The following TSPAN5 variants were observed in gnomAD, a reference collection of about 807,000 sequenced individuals.
TSPAN5 encodes tetraspanin-5.
A neutral mutation model predicts 37.1 loss-of-function variants in TSPAN5; 10 were observed. The observed-to-expected ratio is 0.27, with a 90% CI of 0.17 to 0.46. TSPAN5 has a LOEUF of 0.46. TSPAN5 is among the 20% of genes least tolerant of loss of function. The pLI, the probability that TSPAN5 is intolerant of heterozygous loss-of-function variation, is 1.00. For synonymous variants in TSPAN5, 110 were observed against 118.9 expected, an observed-to-expected ratio of 0.93 and a Z score of 0.48; for missense variants, 195 against 326.6, an observed-to-expected ratio of 0.60 and a Z score of 3.11.
chr4:98,583,729 C>T (rs1022413394), intron 1 of TSPAN5, among the ~76,000 whole-genome samples: 133 of 152,342 alleles, frequency 8.7e-4, no homozygotes, highest in Non-Finnish European at 1.7e-3. Flanking sequence ...CATCAGGTTC[C>T]TCATGGGTGA....
At chr4:98,521,804 CTGTG>C (rs749209058) in intron 1 of TSPAN5, among the ~76,000 whole-genome samples, 1 of 151,910 alleles carries the variant, frequency 6.6e-6, no homozygotes, top group Admixed American at 6.6e-5. Context: ...GCCTATATAT[CTGTG>C]TGTGTTTTTG....
intron 3 of TSPAN5, chr4:98,485,125 AAAAG>A: frequency 6.4e-6 from 1 of 156,746 alleles, no homozygotes; most frequent in South Asian, 2.0e-4. Flanking sequence ...AAAAAAAAAA[AAAAG>A]GATCCCACAT....
intron 1 of TSPAN5, among the ~76,000 whole-genome samples, chr4:98,610,009 C>T (rs1167123848): frequency 6.6e-6 from 1 of 152,226 alleles, no homozygotes; most frequent in Non-Finnish European, 1.5e-5. Flanking sequence ...ATTAGCCCAG[C>T]TGCTGTACAG....
At chr4:98,638,244 G>A (rs1440027295) in intron 1 of TSPAN5, among the ~76,000 whole-genome samples, 1 of 152,178 alleles carries the variant, frequency 6.6e-6, no homozygotes, top group East Asian at 1.9e-4. Flanking sequence ...AGTTTTACAT[G>A]TTGCCTCACT....
chr4:98,488,061 C>T (rs981778829), intron 2 of TSPAN5, among the ~76,000 whole-genome samples: 2 of 152,156 alleles, frequency 1.3e-5, no homozygotes, highest in African/African-American at 4.8e-5. Context: ...AAATTGTTTT[C>T]AAAGCACTCC....
chr4:98,649,661 G>GT (rs1414186838), intron 1 of TSPAN5, among the ~76,000 whole-genome samples: 1 of 152,124 alleles, frequency 6.6e-6, no homozygotes, highest in Non-Finnish European at 1.5e-5. Context: ...TATTTTCCTG[G>GT]TTTTTTTAGA....
intron 1 of TSPAN5, among the ~76,000 whole-genome samples, chr4:98,559,029 C>T (rs980287233): frequency 1.3e-5 from 2 of 152,180 alleles, no homozygotes; most frequent in African/African-American, 4.8e-5. Flanking sequence ...AGAATCCTAA[C>T]CCATGCCTCT....
At chr4:98,571,377 G>C (rs992776188) in intron 1 of TSPAN5, among the ~76,000 whole-genome samples, 3 of 151,950 alleles carry the variant, frequency 2.0e-5, no homozygotes, top group Non-Finnish European at 4.4e-5. Flanking sequence ...GGTTACTGCA[G>C]GGGGGTGGCT....
Position 98,577,056 on chromosome 4 carries a change from C to T in TSPAN5, c.82-69328G>A, listed in dbSNP as rs947806889. ...GATTGCAGGTGTGAGCCACTGCACC[C>T]GGCCATATTTACTGCATTTTATTAA... On this transcript the variant is annotated intron_variant, in intron 1 of 7. Transcript: ENST00000305798. 4.6e-5 allele frequency among the ~76,000 whole-genome samples: 7 copies of T among 152,190 alleles called. No homozygotes were observed. The East Asian group carries it at 7.7e-4, about 17-fold the overall frequency.
At chr4:98,540,277 C>T (rs943002772) in intron 1 of TSPAN5, among the ~76,000 whole-genome samples, 13 of 152,160 alleles carry the variant, frequency 8.5e-5, no homozygotes, top group African/African-American at 2.6e-4. Context: ...AAATCAAAGA[C>T]GGCATATGTG....
chr4:98,513,894 A>G (rs1448664613), intron 1 of TSPAN5, among the ~76,000 whole-genome samples: 1 of 151,706 alleles, frequency 6.6e-6, no homozygotes, highest in Non-Finnish European at 1.5e-5. Flanking sequence ...AGATAGATAG[A>G]TAGATAGATA....
At chr4:98,644,806 A>G (rs1306623158) in intron 1 of TSPAN5, among the ~76,000 whole-genome samples, 5 of 152,082 alleles carry the variant, frequency 3.3e-5, no homozygotes. Context: ...TCCTTCTCAT[A>G]CCTAAGATGT....
chr4:98,650,030 T>C (rs1202743532), intron 1 of TSPAN5, among the ~76,000 whole-genome samples: 1 of 152,216 alleles, frequency 6.6e-6, no homozygotes, highest in Non-Finnish European at 1.5e-5. Context: ...CACAAAGATA[T>C]AATATGTTTG....
At chr4:98,532,743 G>A (rs1754124994) in intron 1 of TSPAN5, among the ~76,000 whole-genome samples, 1 of 152,202 alleles carries the variant, frequency 6.6e-6, no homozygotes, top group Admixed American at 6.5e-5. Flanking sequence ...TAGGAGTGGT[G>A]AGAGAGGGCA....
intron 3 of TSPAN5, chr4:98,484,383 A>G (rs1286380416): frequency 6.6e-6 from 3 of 451,862 alleles, no homozygotes; most frequent in Non-Finnish European, 1.3e-5. Flanking sequence ...ACGTTTACTT[A>G]CTACTTATCT....
chr4:98,651,183 C>T (rs999632507), intron 1 of TSPAN5, among the ~76,000 whole-genome samples: 7 of 152,254 alleles, frequency 4.6e-5, no homozygotes, highest in South Asian at 2.1e-4. Context: ...ACAATGAGAA[C>T]GCAGCACCAT....
chr4:98,542,959 C>T (rs1281086813), intron 1 of TSPAN5, among the ~76,000 whole-genome samples: 1 of 152,110 alleles, frequency 6.6e-6, no homozygotes, highest in African/African-American at 2.4e-5. Context: ...AGTCAGAGGA[C>T]ACTTAGACAA....
chr4:98,645,866 T>A (rs1431042018), intron 1 of TSPAN5, among the ~76,000 whole-genome samples: 1 of 152,180 alleles, frequency 6.6e-6, no homozygotes, highest in Non-Finnish European at 1.5e-5. Flanking sequence ...GCTACATATA[T>A]CATTCTTTTT....
intron 1 of TSPAN5, among the ~76,000 whole-genome samples, chr4:98,654,347 C>T (rs1394574634): frequency 1.3e-5 from 2 of 152,110 alleles, no homozygotes; most frequent in Non-Finnish European, 1.5e-5. Flanking sequence ...AGTTAAGTAT[C>T]CAGAATCCAA....
Sources: allele counts gnomAD v4.1 joint callset (sites outside exome capture counted in the v4.1 genomes callset), GRCh38; gene constraint gnomAD v4.1.1; transcripts MANE v1.5; gene names NCBI Gene and HGNC (gene_info 2026-07-23, HGNC 2026-07-21).